Variants in KIRREL3 observed in about 807,000 individuals in gnomAD.
KIRREL3 encodes the protein kin of IRRE-like protein 3.
Under a neutral mutation model 89.7 loss-of-function variants are expected in KIRREL3, and 36 were observed. That is an observed-to-expected ratio of 0.40 (90% confidence interval 0.31 to 0.53). The LOEUF is 0.53. Ranked by LOEUF, KIRREL3 falls within the 20% of genes least tolerant of loss-of-function variation. The pLI is 0.49. For synonymous variants in KIRREL3, 445 were observed against 441.4 expected, an observed-to-expected ratio of 1.01 and a Z score of -0.10; for missense variants, 864 against 1,056.6, an observed-to-expected ratio of 0.82 and a Z score of 2.53.
intron 1 of KIRREL3, among the ~76,000 whole-genome samples, chr11:126,680,691 T>G (rs992592628): frequency 7.3e-5 from 11 of 150,222 alleles, no homozygotes; most frequent in African/African-American, 2.5e-4. Flanking sequence ...AAGAAAAATA[T>G]GCAGAATGAG....
intron 1 of KIRREL3, among the ~76,000 whole-genome samples, chr11:126,942,908 A>G (rs1342221562): frequency 3.3e-5 from 5 of 152,236 alleles, no homozygotes; most frequent in East Asian, 3.9e-4. Context: ...TACAGCCCCA[A>G]ATGGCTCTGT....
chr11:126,746,531 A>G (rs922489254), intron 1 of KIRREL3, among the ~76,000 whole-genome samples: 2 of 152,162 alleles, frequency 1.3e-5, no homozygotes, highest in Non-Finnish European at 2.9e-5. Context: ...CTGCGGATAC[A>G]TCAGACTCAC....
chr11:126,431,327 A>G lies in KIRREL3; in HGVS notation c.1696+92T>C, dbSNP rs1251874905. The G allele has an allele frequency of 1.9e-6, 3 of 1,562,236 alleles. No homozygotes were observed. The highest frequency in any genetic ancestry group is 2.7e-5 in the African/African-American group (2 of 73,492). On this transcript the variant is annotated intron_variant, in intron 14 of 16. Transcript: ENST00000525144. This position sits in a 1 kb window ranked among gnomAD's most constrained non-coding sequence, Gnocchi z 7.1. ...CACAGCACTGTTAGGACCCCTGTTC[A>G]TTGCACTCCTGCTTACTTGCTCTCC...
At chr11:126,728,881 G>A (rs946565300) in intron 1 of KIRREL3, among the ~76,000 whole-genome samples, 5 of 152,174 alleles carry the variant, frequency 3.3e-5, no homozygotes, top group Admixed American at 1.3e-4. Flanking sequence ...CCCCACAGAC[G>A]CTGCCCCATT....
chr11:126,717,475 T>C (rs550874153), intron 1 of KIRREL3, among the ~76,000 whole-genome samples: 34 of 152,300 alleles, frequency 2.2e-4, no homozygotes, highest in African/African-American at 7.2e-4. Context: ...ATCTATTGAC[T>C]CAGATGCTTT....
chr11:126,997,879 C>T lies in KIRREL3; in HGVS notation c.55+2576G>A, dbSNP rs542003059. ...GCCAGATAAGGCACTAAAAACAACC[C>T]TGGACATTTGTTGTCTCTGAGGGAA... On this transcript the variant is annotated intron_variant, in intron 1 of 16. Coordinates refer to ENST00000525144, the MANE Select transcript of KIRREL3 (RefSeq NM_032531.4). The surrounding 1 kb of genome is among the most constrained non-coding windows in gnomAD (Gnocchi z 4.3). Among the ~76,000 whole-genome samples the T allele has an allele frequency of 2.0e-5, 3 of 152,308 alleles. No homozygotes were observed. In the East Asian group the frequency reaches 5.8e-4, roughly 29 times the overall value.
chr11:126,809,646 G>T (rs1165351352), intron 1 of KIRREL3, among the ~76,000 whole-genome samples: 1 of 152,216 alleles, frequency 6.6e-6, no homozygotes, highest in Admixed American at 6.5e-5. Flanking sequence ...TAACTGGAGA[G>T]GTTAGAGGAC....
intron 4 of KIRREL3, among the ~76,000 whole-genome samples, chr11:126,511,124 G>T (rs1290780951): frequency 1.3e-4 from 19 of 151,570 alleles, no homozygotes; most frequent in Non-Finnish European, 5.9e-5. Flanking sequence ...TCTAGAGTCT[G>T]CAGGGATGTC....
intron 1 of KIRREL3, among the ~76,000 whole-genome samples, chr11:126,670,161 G>C (rs1462694126): frequency 6.6e-6 from 1 of 152,104 alleles, no homozygotes; most frequent in East Asian, 1.9e-4. Flanking sequence ...TTCCCAACTG[G>C]TCTCCCTGCT....
chr11:126,519,635 G>A lies in KIRREL3; in HGVS notation c.433+1680C>T, dbSNP rs981590903. Among the ~76,000 whole-genome samples the A allele has an allele frequency of 1.3e-5, 2 of 152,156 alleles. No individual in the cohort carries two copies. Among genetic ancestry groups the A allele is most frequent in the Non-Finnish European group, 2.9e-5 (2 of 68,030 alleles). On this transcript the variant is annotated intron_variant, in intron 4 of 16. Transcript: ENST00000525144. The surrounding 1 kb of genome is among the most constrained non-coding windows in gnomAD (Gnocchi z 4.3). Reference sequence around the variant, plus strand: ...GTTCCTGTGGTTCCAGCATCCTCTGGCCCCTCTAGAAGGTGTATGAGTCGG... The same window carrying A: ...GTTCCTGTGGTTCCAGCATCCTCTGACCCCTCTAGAAGGTGTATGAGTCGG...
chr11:126,652,301 G>A lies in KIRREL3; in HGVS notation c.56-89389C>T, dbSNP rs1363826517. 1.3e-5 allele frequency among the ~76,000 whole-genome samples: 2 copies of A among 152,126 alleles called. No homozygotes were observed. The highest frequency in any genetic ancestry group is 4.8e-5 in the African/African-American group (2 of 41,430). Reference sequence around the variant, plus strand: ...AAAGCCCGGGTTGGGGTCTCTGTGGGTTGATGGATATAAACCATCTTCTTT... The same window carrying A: ...AAAGCCCGGGTTGGGGTCTCTGTGGATTGATGGATATAAACCATCTTCTTT... On this transcript the variant is annotated intron_variant, in intron 1 of 16. Coordinates refer to ENST00000525144, the MANE Select transcript of KIRREL3 (RefSeq NM_032531.4). This position sits in a 1 kb window ranked among gnomAD's most constrained non-coding sequence, Gnocchi z 4.9.
In KIRREL3 at chr11:126,478,442, T is replaced by TG. The variant is rs545476050; in HGVS notation, c.434-4977dup. Among the ~76,000 whole-genome samples the TG allele has an allele frequency of 2.0e-3, 305 of 150,732 alleles. 1 individual carries two copies. Among genetic ancestry groups the TG allele is most frequent in the African/African-American group, 7.2e-3 (296 of 40,952 alleles). On this transcript the variant is annotated intron_variant, in intron 4 of 16. Transcript: ENST00000525144. ...AAATAAAAGAATCTCAGAAGGGGAG[T>TG]GGGGATGGGGCCGGGGGGACGGTTA... is the stretch of plus-strand genomic sequence containing the variant.
At position 126,496,627 on chromosome 11, in the gene KIRREL3, C is replaced by T. The variant is rs1957663902; in HGVS notation, c.434-23161G>A. The stretch of plus-strand genomic sequence containing the variant: ...TTGGGAGGTGGGGTGGAGGGACATT[C>T]CTGGAGAAGGAGGCTAAGTCTGGGG... On this transcript the variant is annotated intron_variant, in intron 4 of 16. Transcript: ENST00000525144. The surrounding 1 kb of genome is among the most constrained non-coding windows in gnomAD (Gnocchi z 4.9). 6.6e-6 allele frequency among the ~76,000 whole-genome samples: 1 copy of T among 151,954 alleles called. No individual in the cohort carries two copies. Among genetic ancestry groups the T allele is most frequent in the South Asian group, 2.1e-4 (1 of 4,830 alleles).
chr11:126,823,503 C>T (rs1023965054), intron 1 of KIRREL3, among the ~76,000 whole-genome samples: 4 of 152,078 alleles, frequency 2.6e-5, no homozygotes, highest in Non-Finnish European at 5.9e-5. Context: ...AGAATGGACC[C>T]TAAATGAGCT....
At chr11:126,511,333 A>G (rs1271367521) in intron 4 of KIRREL3, among the ~76,000 whole-genome samples, 1 of 151,886 alleles carries the variant, frequency 6.6e-6, no homozygotes, top group African/African-American at 2.4e-5. Flanking sequence ...CAAAGAAAAA[A>G]AAAAAAGAGC....
chr11:126,866,794 T>C (rs928091037), intron 1 of KIRREL3, among the ~76,000 whole-genome samples: 1 of 152,032 alleles, frequency 6.6e-6, no homozygotes, highest in African/African-American at 2.4e-5. Flanking sequence ...ATTTATTTGG[T>C]CAGAGGAGAG....
chr11:126,759,986 A>G (rs1949619420), intron 1 of KIRREL3, among the ~76,000 whole-genome samples: 1 of 152,080 alleles, frequency 6.6e-6, no homozygotes, highest in Admixed American at 6.5e-5. Context: ...GCGCAACCCC[A>G]GGACTCCCTA....
chr11:126,580,812 C>A (rs1429611647), intron 1 of KIRREL3, among the ~76,000 whole-genome samples: 1 of 151,026 alleles, frequency 6.6e-6, no homozygotes, highest in Admixed American at 6.7e-5. Context: ...CCCCACATGG[C>A]CCTACCTGTT....
chr11:126,582,488 T>C (rs1941603624), intron 1 of KIRREL3, among the ~76,000 whole-genome samples: 2 of 152,206 alleles, frequency 1.3e-5, no homozygotes, highest in African/African-American at 4.8e-5. Flanking sequence ...CGGAAGAAAA[T>C]GAAACCCAGT....
Sources: allele counts gnomAD v4.1 joint callset (sites outside exome capture counted in the v4.1 genomes callset), GRCh38; gene constraint gnomAD v4.1.1; non-coding constraint Gnocchi (gnomAD v3.1); transcripts MANE v1.5; gene names NCBI Gene and HGNC (gene_info 2026-07-23, HGNC 2026-07-21).